SLC7A6: variants seen among roughly 807,000 people sequenced by gnomAD.
SLC7A6 encodes the protein solute carrier family 7 member 6.
SLC7A6 carries 29 observed loss-of-function variants against 46.6 expected under a neutral mutation model. The ratio of observed to expected loss-of-function variants is 0.62; its 90% CI spans 0.46 to 0.85. The LOEUF (loss-of-function observed/expected upper bound fraction) is 0.85. Among genes scored for constraint, SLC7A6 ranks in the 40% least tolerant of loss-of-function variants. The pLI is 0.00. For missense variants in SLC7A6, 527 were observed against 647.6 expected (o/e 0.81, Z 2.02); for synonymous variants, 276 against 257.3 (o/e 1.07, Z -0.70).
At chr16:68,282,562 C>T (rs909118391) in intron 3 of SLC7A6, among the ~76,000 whole-genome samples, 2 of 152,076 alleles carry the variant, frequency 1.3e-5, no homozygotes, top group African/African-American at 4.8e-5. Flanking sequence ...GAGCATTTCA[C>T]TCCTGAATGT....
In SLC7A6 at chr16:68,275,221, C is replaced by A. The variant is rs749421722; in HGVS notation, c.495C>A (p.Ala165=). 5 of 1,612,532 alleles carry A rather than the reference C, an allele frequency of 3.1e-6. No homozygotes were observed. The East Asian group carries it at 1.1e-4, about 36-fold the overall frequency. ...CCAGCTGTGATCCCCCATACCTGGC[C>A]TGCCGTCTCCTGGCTGCTGCTTGCA... ...SFPSCDPPYL[A]CRLLAAACIC... Residue 165 remains alanine (A), a synonymous_variant, in exon 3 of 11, where the codon GCC becomes GCA. Coordinates refer to ENST00000219343, the MANE Select transcript of SLC7A6 (RefSeq NM_003983.6).
chr16:68,265,238 T>C (rs1293339212), intron 1 of SLC7A6, among the ~76,000 whole-genome samples: 1 of 152,212 alleles, frequency 6.6e-6, no homozygotes, highest in African/African-American at 2.4e-5. Context: ...GTGCCCCTGG[T>C]GATTATGGCT....
At chr16:68,283,708 C>G (rs772763280) in intron 3 of SLC7A6, among the ~76,000 whole-genome samples, 12 of 152,204 alleles carry the variant, frequency 7.9e-5, no homozygotes, top group Non-Finnish European at 1.8e-4. Flanking sequence ...GCAATAAGCT[C>G]CCAGAGAGCC....
chr16:68,301,436 ATG>A lies in SLC7A6; in HGVS notation c.*4111_*4112del. On this transcript the variant is annotated 3_prime_UTR_variant, in exon 11 of 11. Coordinates refer to ENST00000219343, the MANE Select transcript of SLC7A6 (RefSeq NM_003983.6). ...ATGACATCCCGGGAGTGGATTCTAA[ATG>A]TGATTTTCCTAGGCTACTGCAGGAG... 3 of 1,602,994 alleles carry A rather than the reference ATG, an allele frequency of 1.9e-6. No homozygotes were observed. The highest frequency in any genetic ancestry group is 2.6e-6 in the Non-Finnish European group (3 of 1,172,834).
rs1177402461 is a variant in SLC7A6 at position 68,296,816 on chromosome 16, C to G, written c.1453+6C>G. The G allele has an allele frequency of 1.2e-6, 2 of 1,613,688 alleles. No homozygotes were observed. The highest frequency in any genetic ancestry group is 2.2e-5 in the South Asian group (2 of 91,064). On this transcript the variant is annotated splice_donor_region_variant and intron_variant, in intron 10 of 10. Transcript: ENST00000219343. Reference sequence around the variant, plus strand: ...GTTTATTCGGAATGTCCTGGGTGAGCTTCTCTGTGCCCCATTACTCACTGG... The same window carrying G: ...GTTTATTCGGAATGTCCTGGGTGAGGTTCTCTGTGCCCCATTACTCACTGG...
intron 3 of SLC7A6, among the ~76,000 whole-genome samples, chr16:68,280,446 T>G (rs1279541787): frequency 6.6e-6 from 1 of 152,182 alleles, no homozygotes; most frequent in Non-Finnish European, 1.5e-5. Context: ...GTTTGTGGTG[T>G]TGTAAATAAT....
At chr16:68,279,692 C>T (rs143773781) in intron 3 of SLC7A6, among the ~76,000 whole-genome samples, 48 of 152,276 alleles carry the variant, frequency 3.2e-4, no homozygotes, top group Non-Finnish European at 6.6e-4. Context: ...GTGCAAGCTA[C>T]CATGCCTGGC....
At chr16:68,275,974 A>G (rs183312603) in intron 3 of SLC7A6, among the ~76,000 whole-genome samples, 33 of 152,260 alleles carry the variant, frequency 2.2e-4, no homozygotes, top group Non-Finnish European at 3.4e-4. Flanking sequence ...TTTATTTCCC[A>G]GATTTTTATC....
chr16:68,272,711 A>G (rs573863074), intron 2 of SLC7A6, among the ~76,000 whole-genome samples: 9 of 152,322 alleles, frequency 5.9e-5, no homozygotes, highest in African/African-American at 2.2e-4. Context: ...TATGAATACA[A>G]AGGGAATACC....
Position 68,300,302 on chromosome 16 carries a change from A to T in SLC7A6, c.*2974A>T, listed in dbSNP as rs2043247374. 6.6e-6 allele frequency: 1 copy of T among 152,284 alleles called. No individual in the cohort carries two copies. The highest frequency in any genetic ancestry group is 2.4e-5 in the African/African-American group (1 of 41,472). 9.4% of individuals were successfully genotyped at this position (152,284 alleles called of 1,614,324 possible). On this transcript the variant is annotated 3_prime_UTR_variant, in exon 11 of 11. Coordinates refer to ENST00000219343, the MANE Select transcript of SLC7A6 (RefSeq NM_003983.6). ...TCATCACTGCAGATAGTTCTACTGG[A>T]CAATGTTACGCTAGAATAAACACCA...
intron 4 of SLC7A6, 67 bp downstream of exon 4, chr16:68,287,938 C>G (rs2042972407): frequency 1.3e-6 from 2 of 1,579,050 alleles, no homozygotes; most frequent in African/African-American, 2.7e-5. Context: ...CATGGCGACT[C>G]TGTTAGCTTC....
chr16:68,291,801 T>TGTGTGTGTGTGTGTGTGTGTGTGTGTG (rs1555532343), intron 7 of SLC7A6, 140 bp downstream of exon 7: 5 of 307,270 alleles, frequency 1.6e-5, no homozygotes, highest in Admixed American at 5.2e-5. Context: ...GTGTGTGTGT[T>TGTGTGTGTGTGTGTGTGTGTGTGTGTG]TGGTATGTGG....
At chr16:68,272,562 G>C (rs1318035289) in intron 2 of SLC7A6, among the ~76,000 whole-genome samples, 1 of 152,194 alleles carries the variant, frequency 6.6e-6, no homozygotes, top group East Asian at 1.9e-4. Context: ...TCATTCAGGT[G>C]CTGCGACTGA....
At chr16:68,265,987 G>A (rs958508119) in intron 1 of SLC7A6, among the ~76,000 whole-genome samples, 4 of 152,156 alleles carry the variant, frequency 2.6e-5, no homozygotes, top group African/African-American at 2.4e-5. Context: ...CAGGCCGGGC[G>A]CGGTGGCTCA....
intron 7 of SLC7A6, among the ~76,000 whole-genome samples, chr16:68,293,733 T>G (rs1043121334): frequency 6.6e-6 from 1 of 152,238 alleles, no homozygotes; most frequent in Non-Finnish European, 1.5e-5. Flanking sequence ...ATTTTGCCTA[T>G]GCACATGCTC....
chr16:68,269,116 T>G (rs2042582626), intron 2 of SLC7A6, among the ~76,000 whole-genome samples: 1 of 152,238 alleles, frequency 6.6e-6, no homozygotes, highest in East Asian at 1.9e-4. Context: ...TTTTGACCCT[T>G]TTGGTTTTCA....
chr16:68,293,702 C>T (rs912223661), intron 7 of SLC7A6, among the ~76,000 whole-genome samples: 47 of 152,232 alleles, frequency 3.1e-4, no homozygotes, highest in Admixed American at 6.5e-4. Context: ...AAAGAGGCCA[C>T]GCTCTTTCAT....
intron 3 of SLC7A6, among the ~76,000 whole-genome samples, chr16:68,279,260 T>A (rs2042786054): frequency 6.6e-6 from 1 of 152,042 alleles, no homozygotes; most frequent in Non-Finnish European, 1.5e-5. Flanking sequence ...GAGGATCCCT[T>A]GAGCCCAGAA....
Position 68,299,906 on chromosome 16 carries a change from G to A in SLC7A6, c.*2578G>A, listed in dbSNP as rs1022197807. ...TCGGCAGGTTGAACAACTCCATGTA[G>A]ATAAGAGCAAGTGTAGGCAAAGGTT... On this transcript the variant is annotated 3_prime_UTR_variant, in exon 11 of 11. Coordinates refer to ENST00000219343, the MANE Select transcript of SLC7A6 (RefSeq NM_003983.6). 1 of 152,196 alleles carries A rather than the reference G, an allele frequency of 6.6e-6. No individual in the cohort carries two copies. 9.4% of individuals were successfully genotyped at this position (152,196 alleles called of 1,614,324 possible).
Sources: gnomAD v4.1 joint callset for allele counts (sites outside exome capture counted in the v4.1 genomes callset) on GRCh38, gnomAD v4.1.1 for gene constraint, MANE v1.5 for transcripts, NCBI Gene and HGNC (gene_info 2026-07-23, HGNC 2026-07-21) for gene names.